The following PINX1 variants were observed in gnomAD, a reference collection of about 807,000 sequenced individuals.
PINX1 encodes the protein PIN2/TERF1-interacting telomerase inhibitor 1.
In PINX1, 34 loss-of-function variants were observed where a neutral mutation model predicts 25.4. The observed-to-expected ratio is 1.34, with a 90% confidence interval of 1.02 to 1.78. The LOEUF (loss-of-function observed/expected upper bound fraction) is 1.78, where lower values mean the gene tolerates loss of function less well. Among genes scored for constraint, PINX1 ranks in the 40% most tolerant of loss-of-function variants. The pLI is 0.00. For synonymous variants in PINX1, 197 were observed against 147.7 expected (o/e 1.33, Z -2.42); for missense variants, 592 against 404.9 (o/e 1.46, Z -3.97).
chr8:10,818,953 C>G (rs1797783182), intron 6 of PINX1, among the ~76,000 whole-genome samples: 1 of 152,146 alleles, frequency 6.6e-6, no homozygotes, highest in African/African-American at 2.4e-5. Context: ...GCACTGAGGG[C>G]AGAGGTACAA....
At chr8:10,785,041 TAA>T (rs1369052725) in intron 6 of PINX1, among the ~76,000 whole-genome samples, 1 of 152,138 alleles carries the variant, frequency 6.6e-6, no homozygotes, top group African/African-American at 2.4e-5. Context: ...CTAATAAACA[TAA>T]AGAGCGTATC....
chr8:10,795,265 T>G (rs1802050561), intron 6 of PINX1, among the ~76,000 whole-genome samples: 1 of 152,236 alleles, frequency 6.6e-6, no homozygotes, highest in Non-Finnish European at 1.5e-5. Context: ...GTCTTTGACC[T>G]GGCTACAAAC....
chr8:10,804,313 C>T (rs1284130620), intron 6 of PINX1, among the ~76,000 whole-genome samples: 2 of 152,196 alleles, frequency 1.3e-5, no homozygotes, highest in African/African-American at 4.8e-5. Flanking sequence ...TTAATAAAAA[C>T]CTGCCAAATA....
At chr8:10,826,727 G>A (rs1798061904) in intron 4 of PINX1, among the ~76,000 whole-genome samples, 1 of 152,196 alleles carries the variant, frequency 6.6e-6, no homozygotes, top group Admixed American at 6.5e-5. Context: ...AGGGCATTGT[G>A]CTTAGTCAGA....
chr8:10,800,751 T>G (rs1802240883), intron 6 of PINX1, among the ~76,000 whole-genome samples: 1 of 152,200 alleles, frequency 6.6e-6, no homozygotes, highest in African/African-American at 2.4e-5. Context: ...ATTACCGGCC[T>G]AAGTCACTAC....
rs796636967 is a variant in PINX1 at position 10,794,986 on chromosome 8, C to G, written c.471+25207G>C. On this transcript the variant is annotated intron_variant, in intron 6 of 6. Coordinates refer to ENST00000314787, the MANE Select transcript of PINX1 (RefSeq NM_017884.6). Reference sequence around the variant, plus strand: ...TGCAGGTGGTGATAAAGGAGGGTGACGCTAGAAATGAACACCTCACGTTTC... The same window carrying G: ...TGCAGGTGGTGATAAAGGAGGGTGAGGCTAGAAATGAACACCTCACGTTTC... Among the ~76,000 whole-genome samples the G allele has an allele frequency of 3.3e-5, 5 of 152,172 alleles. 1 individual carries two copies. Among genetic ancestry groups the G allele is most frequent in the African/African-American group, 1.2e-4 (5 of 41,518 alleles).
At chr8:10,800,757 A>G (rs998293999) in intron 6 of PINX1, among the ~76,000 whole-genome samples, 1 of 152,200 alleles carries the variant, frequency 6.6e-6, no homozygotes, top group African/African-American at 2.4e-5. Flanking sequence ...GGCCTAAGTC[A>G]CTACGCCCGG....
chr8:10,807,131 T>C (rs1264173788), intron 6 of PINX1, among the ~76,000 whole-genome samples: 1 of 151,898 alleles, frequency 6.6e-6, no homozygotes, highest in East Asian at 1.9e-4. Context: ...AGGAAAACAA[T>C]CTGCGAATGT....
chr8:10,765,986 AC>A (rs1801030307), intron 6 of PINX1, 70 bp from the exon 7 acceptor site: 8 of 1,489,100 alleles, frequency 5.4e-6, no homozygotes, highest in Middle Eastern at 2.3e-4. Flanking sequence ...CCCAGGAGGC[AC>A]CCACACCCGG....
chr8:10,765,527 C>T lies in PINX1; in HGVS notation c.861G>A (p.Arg287=), dbSNP rs746408679. ...TCTTTTTGGGCTTCAGGGTGAAGTCCCGGCCCTCAGGCGGCTGCACATGGT... is the reference window on the plus strand; with the variant it reads ...TCTTTTTGGGCTTCAGGGTGAAGTCTCGGCCCTCAGGCGGCTGCACATGGT... ...AGDHVQPPEG[R]DFTLKPKKRR... The change falls in exon 7 of 7, where the codon CGG becomes CGA. Residue 287 remains arginine, a synonymous_variant. Transcript: ENST00000314787. The T allele has an allele frequency of 1.1e-5, 18 of 1,613,586 alleles. No individual in the cohort carries two copies. In the East Asian group the frequency reaches 2.9e-4, roughly 26 times the overall value.
chr8:10,781,096 T>C (rs1438781232), intron 6 of PINX1, among the ~76,000 whole-genome samples: 6 of 152,236 alleles, frequency 3.9e-5, no homozygotes, highest in South Asian at 2.1e-4. Flanking sequence ...GAAGACACAA[T>C]GGGGAAAGGA....
At chr8:10,791,633 G>A (rs1801925281) in intron 6 of PINX1, among the ~76,000 whole-genome samples, 1 of 152,194 alleles carries the variant, frequency 6.6e-6, no homozygotes, top group African/African-American at 2.4e-5. Flanking sequence ...CTTTTAAAAG[G>A]ACTGGTGGGT....
intron 4 of PINX1, among the ~76,000 whole-genome samples, chr8:10,829,591 G>T (rs181922630): frequency 3.8e-4 from 58 of 152,230 alleles, no homozygotes; most frequent in Non-Finnish European, 6.0e-4. Flanking sequence ...GTCAGACCAG[G>T]ATTAAAATCC....
chr8:10,807,082 C>G (rs1290699458), intron 6 of PINX1, among the ~76,000 whole-genome samples: 1 of 151,988 alleles, frequency 6.6e-6, no homozygotes, highest in Non-Finnish European at 1.5e-5. Context: ...AGGGAGCAAA[C>G]CAAAACCAAA....
At chr8:10,780,883 C>T (rs930856230) in intron 6 of PINX1, among the ~76,000 whole-genome samples, 3 of 152,046 alleles carry the variant, frequency 2.0e-5, no homozygotes, top group African/African-American at 7.2e-5. Flanking sequence ...CACAAAAGAC[C>T]TCGAATAACT....
chr8:10,829,926 C>T (rs1246319500), intron 4 of PINX1, among the ~76,000 whole-genome samples: 1 of 152,144 alleles, frequency 6.6e-6, no homozygotes, highest in Non-Finnish European at 1.5e-5. Context: ...TCAGGTGATC[C>T]GCCCGCCTCA....
intron 6 of PINX1, among the ~76,000 whole-genome samples, chr8:10,772,853 C>A (rs1416079816): frequency 6.6e-6 from 1 of 152,018 alleles, no homozygotes; most frequent in Non-Finnish European, 1.5e-5. Flanking sequence ...TAGAAGCCCA[C>A]TCTGCAGGGG....
chr8:10,774,284 CT>C (rs537602535), intron 6 of PINX1, among the ~76,000 whole-genome samples: 3,936 of 144,168 alleles, frequency 0.027, 58 homozygotes, highest in Middle Eastern at 0.051. Context: ...AGAATAAGGT[CT>C]TTTTTTTTTT....
intron 6 of PINX1, among the ~76,000 whole-genome samples, chr8:10,804,642 A>G (rs1291972219): frequency 6.6e-6 from 1 of 152,084 alleles, no homozygotes; most frequent in Non-Finnish European, 1.5e-5. Context: ...TAGGATTACA[A>G]TTTAGGGGTC....
Sources: gnomAD v4.1 joint callset for allele counts (sites outside exome capture counted in the v4.1 genomes callset) on GRCh38, gnomAD v4.1.1 for gene constraint, MANE v1.5 for transcripts, NCBI Gene and HGNC (gene_info 2026-07-23, HGNC 2026-07-21) for gene names.